ELF1: variants seen among roughly 807,000 people sequenced by gnomAD.
The protein encoded by ELF1 is E74 like ETS transcription factor 1.
In ELF1, 24 loss-of-function variants were observed where a neutral mutation model predicts 59.9. The ratio of observed to expected loss-of-function variants is 0.40; its 90% CI spans 0.29 to 0.56. ELF1 has a LOEUF of 0.56. ELF1 is among the 20% of genes least tolerant of loss of function. The pLI, the probability that ELF1 is intolerant of heterozygous loss-of-function variation, is 0.44. For synonymous variants in ELF1, 248 were observed against 266.2 expected, an observed-to-expected ratio of 0.93 and a Z score of 0.67; for missense variants, 627 against 742.2, an observed-to-expected ratio of 0.84 and a Z score of 1.80.
intron 1 of ELF1, among the ~76,000 whole-genome samples, chr13:41,016,651 G>C (rs1445941721): frequency 6.6e-6 from 1 of 151,728 alleles, no homozygotes; most frequent in Non-Finnish European, 1.5e-5. Context: ...ACGGTGGCTT[G>C]TGCCTGTAAT....
At chr13:40,954,653 T>G (rs1238522417) in intron 3 of ELF1, among the ~76,000 whole-genome samples, 8 of 152,200 alleles carry the variant, frequency 5.3e-5, no homozygotes, top group Non-Finnish European at 7.4e-5. Context: ...TTTTGCTGTG[T>G]TGGCCGGGCT....
intron 1 of ELF1, among the ~76,000 whole-genome samples, chr13:41,009,831 T>G (rs747254450): frequency 1.3e-5 from 2 of 152,074 alleles, no homozygotes; most frequent in Non-Finnish European, 2.9e-5. Context: ...AATTTAATAA[T>G]GTAAAACTCT....
chr13:41,012,877 G>A (rs564043974), intron 1 of ELF1, among the ~76,000 whole-genome samples: 27 of 151,894 alleles, frequency 1.8e-4, no homozygotes, highest in Non-Finnish European at 3.5e-4. Context: ...TCTAAAATTG[G>A]TATCTTCTCT....
chr13:40,940,386 G>GAAAAAAAAAAAAAAAAAAA (rs375400990), intron 8 of ELF1, among the ~76,000 whole-genome samples: 1 of 109,874 alleles, frequency 9.1e-6, no homozygotes, highest in African/African-American at 4.9e-5. Flanking sequence ...TGATTTAACT[G>GAAAAAAAAAAAAAAAAAAA]AAAAAAAAAA....
chr13:40,987,665 G>C (rs1158394697), intron 1 of ELF1, among the ~76,000 whole-genome samples: 1 of 151,980 alleles, frequency 6.6e-6, no homozygotes, highest in African/African-American at 2.4e-5. Context: ...ACAATTCTGG[G>C]ATAAAGAAGG....
chr13:40,934,115 T>C (rs1869604455), intron 8 of ELF1, 87 bp from the exon 9 acceptor site: 2 of 1,492,228 alleles, frequency 1.3e-6, no homozygotes, highest in East Asian at 2.3e-5. Flanking sequence ...TTTTACAAAA[T>C]ACCAGTTATG....
intron 2 of ELF1, among the ~76,000 whole-genome samples, chr13:40,979,607 C>T (rs1713344488): frequency 1.3e-5 from 2 of 152,152 alleles, no homozygotes; most frequent in South Asian, 4.1e-4. Context: ...TAATGGGCTG[C>T]TCATGATGTA....
chr13:40,942,414 A>T (rs1870234238), intron 7 of ELF1, among the ~76,000 whole-genome samples: 1 of 152,216 alleles, frequency 6.6e-6, no homozygotes, highest in Non-Finnish European at 1.5e-5. Context: ...GAGCTTAAGA[A>T]TGTTACTCTT....
intron 1 of ELF1, among the ~76,000 whole-genome samples, chr13:41,036,462 A>T (rs1186487321): frequency 6.6e-6 from 1 of 152,182 alleles, no homozygotes; most frequent in Admixed American, 6.5e-5. Context: ...TGACACTTTA[A>T]AACTTAAAAG....
intron 5 of ELF1, among the ~76,000 whole-genome samples, chr13:40,949,426 T>C (rs1177671870): frequency 6.6e-6 from 1 of 152,074 alleles, no homozygotes; most frequent in African/African-American, 2.4e-5. Context: ...GGCATGACCT[T>C]AGCTCGCTGA....
intron 2 of ELF1, among the ~76,000 whole-genome samples, chr13:40,980,890 C>A (rs1873220498): frequency 1.3e-5 from 2 of 152,070 alleles, no homozygotes; most frequent in South Asian, 4.1e-4. Context: ...TCTCCCTGAA[C>A]CTGTTATCCT....
chr13:40,979,053 A>G (rs1241869114), intron 2 of ELF1, among the ~76,000 whole-genome samples: 1 of 150,472 alleles, frequency 6.6e-6, no homozygotes, highest in Non-Finnish European at 1.5e-5. Context: ...TCCTTCCCCC[A>G]TCTAGTAGTC....
intron 1 of ELF1, among the ~76,000 whole-genome samples, chr13:41,039,335 TTAAAAA>T (rs999127386): frequency 3.5e-5 from 5 of 141,818 alleles, no homozygotes; most frequent in African/African-American, 1.3e-4. Context: ...AGTCCTTTTT[TTAAAAA>T]AAAAAAAAAA....
Position 40,958,905 on chromosome 13 carries a change from T to C in ELF1, c.184A>G (p.Thr62Ala). The change falls in exon 3 of 9, where the codon ACT becomes GCT. Residue 62 changes from threonine to alanine, a missense_variant. Physicochemically the swap from Thr to Ala is moderately conservative, Grantham distance 58. This residue lies in a region of ELF1 where 232 missense variants were observed against 269.2 expected (regional missense o/e 0.86). Transcript: ENST00000239882. ...ACVEEPNDMITESSLDVAEEE... is the reference protein window; with the variant it reads ...ACVEEPNDMIAESSLDVAEEE... ...TCAGCAACATCCAGTGAACTCTCAG[T>C]AATCATGTCATTGGGCTCTTCCACA... The C allele has an allele frequency of 3.1e-6, 5 of 1,614,060 alleles. No individual in the cohort carries two copies. The highest frequency in any genetic ancestry group is 4.2e-6 in the Non-Finnish European group (5 of 1,180,002).
chr13:40,958,580 C>G (rs1468087978), intron 3 of ELF1, among the ~76,000 whole-genome samples: 1 of 151,570 alleles, frequency 6.6e-6, no homozygotes, highest in Non-Finnish European at 1.5e-5. Flanking sequence ...AGGTTTGGTT[C>G]CTTTTAAATG....
rs1294849056 is a variant in ELF1, at chr13:41,031,193, AAAG to A, written c.-229+29642_-229+29644del. 1.1e-3 allele frequency among the ~76,000 whole-genome samples: 162 copies of A among 152,030 alleles called. 1 individual carries two copies. Among genetic ancestry groups the A allele is most frequent in the Non-Finnish European group, 1.2e-4 (8 of 67,938 alleles). On this transcript the variant is annotated intron_variant, in intron 1 of 1. Coordinates refer to the ELF1 transcript ENST00000405737. The stretch of plus-strand genomic sequence containing the variant: ...AAAGAAAGAAAGAAAGAAAAAAAGA[AAAG>A]AAAAGCAGTACCTTTACTATCTAGA...
intron 1 of ELF1, among the ~76,000 whole-genome samples, chr13:41,058,927 C>T (rs1225538284): frequency 6.6e-6 from 1 of 152,174 alleles, no homozygotes; most frequent in Non-Finnish European, 1.5e-5. Flanking sequence ...GAGCTGAGAT[C>T]GCGCCAATGC....
In ELF1 at chr13:40,982,147, C is replaced by A. The variant is rs1873310256; in HGVS notation, c.-93G>T. 6.5e-7 allele frequency: 1 copy of A among 1,531,890 alleles called. No individual in the cohort carries two copies. The highest frequency in any genetic ancestry group is 1.9e-5 in the Admixed American group (1 of 51,706). The allele number at this position is 1,531,890 out of a possible 1,614,324, so 94.9% of individuals were successfully genotyped here. A position where few individuals can be genotyped will look rare whatever the true frequency, so the allele number is the denominator to read the frequency against. On this transcript the variant is annotated 5_prime_UTR_variant, in exon 2 of 9. Transcript: ENST00000239882. ...TCCAGTGACTGATTTGGGTAAAAAA[C>A]CCTCAGCTCTGTCTGTGGAGTAATT... is the stretch of plus-strand genomic sequence containing the variant.
chr13:40,996,854 C>A (rs926348434), intron 1 of ELF1, among the ~76,000 whole-genome samples: 4 of 152,050 alleles, frequency 2.6e-5, no homozygotes, highest in African/African-American at 9.7e-5. Context: ...AACAATCCAG[C>A]AGTTCTGCAT....
Sources: allele counts gnomAD v4.1 joint callset (sites outside exome capture counted in the v4.1 genomes callset), GRCh38; gene constraint gnomAD v4.1.1; regional missense constraint gnomAD v4.1.1; transcripts MANE v1.5; gene names NCBI Gene and HGNC (gene_info 2026-07-23, HGNC 2026-07-21).